Variants in ABCA13 observed in about 807,000 individuals in gnomAD.
The protein encoded by ABCA13 is ATP-binding cassette sub-family A member 13.
ABCA13 carries 476 observed loss-of-function variants against 478.7 expected under a neutral mutation model. That is an observed-to-expected ratio of 0.99 (90% CI 0.92 to 1.07). The LOEUF (loss-of-function observed/expected upper bound fraction) is 1.07, where lower values mean the gene tolerates loss of function less well. Among genes scored for constraint, ABCA13 ranks in the 50% least tolerant of loss-of-function variants. The pLI, the probability that ABCA13 is intolerant of heterozygous loss-of-function variation, is 0.00. For missense variants in ABCA13, 6,060 were observed against 5,910.6 expected (o/e 1.03, Z -0.83); for synonymous variants, 2,252 against 2,158.9 (o/e 1.04, Z -1.20).
intron 42 of ABCA13, among the ~76,000 whole-genome samples, chr7:48,444,384 A>G (rs193252971): frequency 1.3e-5 from 2 of 151,736 alleles, no homozygotes; most frequent in African/African-American, 4.8e-5. Flanking sequence ...CCACCATCCC[A>G]CTCAAAAGGC....
At chr7:48,588,352 G>A (rs77880529) in intron 57 of ABCA13, among the ~76,000 whole-genome samples, 3,014 of 152,234 alleles carry the variant, frequency 0.02, 40 homozygotes, top group Non-Finnish European at 0.031. Flanking sequence ...TTAACAAGAC[G>A]TGGGCATTCA....
chr7:48,266,625 A>G (rs1266938651), intron 15 of ABCA13, among the ~76,000 whole-genome samples: 1 of 151,644 alleles, frequency 6.6e-6, no homozygotes, highest in Non-Finnish European at 1.5e-5. Context: ...TATCAATCTT[A>G]TTATTGATCT....
At chr7:48,521,394 A>G (rs967390769) in intron 53 of ABCA13, among the ~76,000 whole-genome samples, 1 of 152,152 alleles carries the variant, frequency 6.6e-6, no homozygotes, top group Non-Finnish European at 1.5e-5. Context: ...TCATAGAATT[A>G]TTTTTCCTTT....
At chr7:48,240,314 T>G (rs1790630504) in intron 9 of ABCA13, among the ~76,000 whole-genome samples, 2 of 152,182 alleles carry the variant, frequency 1.3e-5, no homozygotes, top group African/African-American at 4.8e-5. Context: ...GTAACATAAC[T>G]CATGGTTAAT....
intron 58 of ABCA13, among the ~76,000 whole-genome samples, chr7:48,614,470 A>G (rs1188888844): frequency 6.6e-6 from 1 of 151,306 alleles, no homozygotes; most frequent in Admixed American, 6.7e-5. Context: ...TGTGGAAGTC[A>G]GTGTAGCGAT....
chr7:48,244,287 T>A (rs964027698), intron 10 of ABCA13, among the ~76,000 whole-genome samples: 3 of 152,254 alleles, frequency 2.0e-5, no homozygotes, highest in Non-Finnish European at 2.9e-5. Flanking sequence ...AGACCCCATG[T>A]GAAACTTTAT....
At chr7:48,306,657 C>G (rs1800944340) in intron 23 of ABCA13, among the ~76,000 whole-genome samples, 1 of 152,034 alleles carries the variant, frequency 6.6e-6, no homozygotes, top group Admixed American at 6.5e-5. Context: ...ACAATGCCAG[C>G]CCTATATGAA....
chr7:48,239,494 T>G, intron 9 of ABCA13, 89 bp downstream of exon 9: 1 of 1,432,180 alleles, frequency 7.0e-7, no homozygotes, highest in Non-Finnish European at 9.3e-7. Flanking sequence ...CCATGTTTAC[T>G]GTTGGATTTT....
At chr7:48,224,790 A>G (rs935886012) in intron 5 of ABCA13, among the ~76,000 whole-genome samples, 1 of 152,158 alleles carries the variant, frequency 6.6e-6, no homozygotes, top group African/African-American at 2.4e-5. Flanking sequence ...TAAAAAAGTC[A>G]GCGCCATATT....
chr7:48,263,809 CAT>C (rs1794513177), intron 15 of ABCA13, among the ~76,000 whole-genome samples: 3 of 151,838 alleles, frequency 2.0e-5, no homozygotes, highest in Admixed American at 6.6e-5. Context: ...TTATGAGTAA[CAT>C]GAGATATTTT....
chr7:48,351,802 AT>A (rs1809046667), intron 30 of ABCA13, among the ~76,000 whole-genome samples: 1 of 152,248 alleles, frequency 6.6e-6, no homozygotes, highest in African/African-American at 2.4e-5. Context: ...GAATCCATGT[AT>A]TTAAGTTATG....
At chr7:48,503,884 A>C (rs1830969280) in intron 48 of ABCA13, among the ~76,000 whole-genome samples, 1 of 152,218 alleles carries the variant, frequency 6.6e-6, no homozygotes, top group Non-Finnish European at 1.5e-5. Context: ...AGTGTTTTCC[A>C]TAAGGGCTGT....
At chr7:48,609,143 G>T (rs943816187) in intron 58 of ABCA13, among the ~76,000 whole-genome samples, 2 of 152,088 alleles carry the variant, frequency 1.3e-5, no homozygotes, top group African/African-American at 4.8e-5. Context: ...GCTGGCATGA[G>T]AACATGAGCC....
chr7:48,256,815 A>T (rs1035583281), intron 15 of ABCA13, among the ~76,000 whole-genome samples: 1 of 152,128 alleles, frequency 6.6e-6, no homozygotes, highest in Non-Finnish European at 1.5e-5. Flanking sequence ...TTTTGATTCC[A>T]TATGAATTTT....
At chr7:48,643,178 A>G (rs374575491) in intron 59 of ABCA13, 110 bp from the exon 60 acceptor site, 11 of 673,976 alleles carry the variant, frequency 1.6e-5, no homozygotes, top group South Asian at 1.4e-4. Flanking sequence ...ACTCCCAACA[A>G]TTTGGAGTAA....
chr7:48,275,765 T>C lies in ABCA13; in HGVS notation c.6099T>C (p.Asn2033=). ...TATTCATGATGCTCCAGAATGCAAA[T>C]GTCACAGGTAGCAGTTTAGAAGCAT... ...LSLFMMLQNA[N]VTGSSLEALS... Residue 2033 remains asparagine (N), a synonymous_variant, in exon 17 of 62, where the codon AAT becomes AAC. Coordinates refer to ENST00000435803, the MANE Select transcript of ABCA13 (RefSeq NM_152701.5). The C allele has an allele frequency of 6.2e-7, 1 of 1,611,016 alleles. No individual in the cohort carries two copies. Among genetic ancestry groups the C allele is most frequent in the South Asian group, 1.1e-5 (1 of 90,648 alleles).
chr7:48,329,661 C>G (rs1341032926), intron 27 of ABCA13, among the ~76,000 whole-genome samples: 2 of 151,882 alleles, frequency 1.3e-5, no homozygotes, highest in Non-Finnish European at 2.9e-5. Flanking sequence ...ACTCTTGCAT[C>G]CATCTATCCA....
intron 23 of ABCA13, among the ~76,000 whole-genome samples, chr7:48,304,102 T>C (rs1800548234): frequency 6.6e-6 from 1 of 152,248 alleles, no homozygotes; most frequent in African/African-American, 2.4e-5. Flanking sequence ...ATCTTTTGGA[T>C]AATCCATGAT....
intron 1 of ABCA13, among the ~76,000 whole-genome samples, chr7:48,183,248 T>C (rs972890463): frequency 6.6e-6 from 1 of 152,188 alleles, no homozygotes; most frequent in Non-Finnish European, 1.5e-5. Context: ...TGGTTTTTAG[T>C]TGCAACCAAA....
Sources: gnomAD v4.1 joint callset for allele counts (sites outside exome capture counted in the v4.1 genomes callset) on GRCh38, gnomAD v4.1.1 for gene constraint, MANE v1.5 for transcripts, NCBI Gene and HGNC (gene_info 2026-07-23, HGNC 2026-07-21) for gene names.